Variants in ARFGEF1 observed in about 807,000 individuals in gnomAD.
ARFGEF1 encodes ARF guanine nucleotide exchange factor 1.
Under a neutral mutation model 231.0 loss-of-function variants are expected in ARFGEF1, and 42 were observed. The ratio of observed to expected loss-of-function variants is 0.18; its 90% CI spans 0.14 to 0.24. The LOEUF is 0.24. ARFGEF1 is among the 10% of genes least tolerant of loss of function. The pLI, the probability that ARFGEF1 is intolerant of heterozygous loss-of-function variation, is 1.00. For synonymous variants in ARFGEF1, 710 were observed against 732.3 expected (o/e 0.97, Z 0.49); for missense variants, 1,345 against 2,192.0 (o/e 0.61, Z 7.72).
intron 22 of ARFGEF1, among the ~76,000 whole-genome samples, chr8:67,233,590 A>G (rs1173160595): frequency 6.6e-6 from 1 of 151,824 alleles, no homozygotes; most frequent in Non-Finnish European, 1.5e-5. Context: ...GTTCATTTCC[A>G]TTCCTACCTA....
At chr8:67,193,572 A>T, downstream of ARFGEF1, 1 of 1,613,744 alleles carries the variant, frequency 6.2e-7, no homozygotes, top group Non-Finnish European at 8.5e-7. Flanking sequence ...GCGAAGACTG[A>T]ATGAATTTCA....
chr8:67,330,346 T>C (rs914631623), intron 1 of ARFGEF1, among the ~76,000 whole-genome samples: 3 of 152,122 alleles, frequency 2.0e-5, no homozygotes, highest in South Asian at 2.1e-4. Flanking sequence ...TGTGTACATA[T>C]TACAAACAAA....
intron 1 of ARFGEF1, among the ~76,000 whole-genome samples, chr8:67,331,787 T>C (rs1250470638): frequency 6.6e-6 from 1 of 151,998 alleles, no homozygotes; most frequent in Non-Finnish European, 1.5e-5. Flanking sequence ...TCAAAACCAA[T>C]AAATCTAAAG....
At chr8:67,196,588 G>A (rs1296848559), downstream of ARFGEF1, among the ~76,000 whole-genome samples, 1 of 152,098 alleles carries the variant, frequency 6.6e-6, no homozygotes, top group African/African-American at 2.4e-5. Flanking sequence ...AGACAAATTT[G>A]CCACAATTAA....
intron 14 of ARFGEF1, among the ~76,000 whole-genome samples, chr8:67,261,046 G>A (rs1373313944): frequency 6.6e-6 from 1 of 152,196 alleles, no homozygotes; most frequent in Non-Finnish European, 1.5e-5. Context: ...AGAAAATCTG[G>A]AAGCTAGCAG....
At chr8:67,231,075 G>A (rs529211012) in intron 23 of ARFGEF1, among the ~76,000 whole-genome samples, 3 of 152,018 alleles carry the variant, frequency 2.0e-5, no homozygotes, top group Admixed American at 2.0e-4. Flanking sequence ...GAAAATGACT[G>A]TCTGCTGGGT....
At chr8:67,215,914 T>C (rs975221238) in intron 33 of ARFGEF1, among the ~76,000 whole-genome samples, 2 of 152,340 alleles carry the variant, frequency 1.3e-5, no homozygotes, top group Middle Eastern at 3.4e-3. Flanking sequence ...TGAAATTATA[T>C]AAAAATAAAA....
intron 1 of ARFGEF1, among the ~76,000 whole-genome samples, chr8:67,307,529 G>A (rs188151924): frequency 1.3e-5 from 2 of 152,252 alleles, no homozygotes; most frequent in African/African-American, 2.4e-5. Context: ...GAAGAAAAGG[G>A]GTTTTGGCTT....
chr8:67,219,443 T>C lies in ARFGEF1; in HGVS notation c.4326A>G (p.Glu1442=). The C allele has an allele frequency of 1.2e-6, 2 of 1,610,790 alleles. No individual in the cohort carries two copies. Among genetic ancestry groups the C allele is most frequent in the East Asian group, 4.5e-5 (2 of 44,706 alleles). ...TGTATCCTCTTACCTCTGTCTGTTG[T>C]TCTGGCAATTTCATATTGTCAAAGA... is the stretch of plus-strand genomic sequence containing the variant. ...FRIFDNMKLP[E]QQTEKAEWMT... The change falls in exon 30 of 39, where the codon GAA becomes GAG. Residue 1442 remains glutamate (E), a synonymous_variant. Transcript: ENST00000262215.
intron 5 of ARFGEF1, among the ~76,000 whole-genome samples, chr8:67,296,197 A>G (rs1323292560): frequency 6.6e-6 from 1 of 152,250 alleles, no homozygotes; most frequent in African/African-American, 2.4e-5. Context: ...GGCAATCAGC[A>G]TATTTCACAT....
chr8:67,182,317 CT>C (rs112406408), intron 5 of ARFGEF1, among the ~76,000 whole-genome samples: 19,007 of 146,092 alleles, frequency 0.13, 2,494 homozygotes, highest in African/African-American at 0.34. Flanking sequence ...CAGATTTCCC[CT>C]TTTTTTTTTT....
chr8:67,232,859 C>G lies in ARFGEF1; in HGVS notation c.3376G>C (p.Asp1126His). The G allele has an allele frequency of 1.2e-6, 2 of 1,601,678 alleles. No individual in the cohort carries two copies. Among genetic ancestry groups the G allele is most frequent in the Non-Finnish European group, 1.7e-6 (2 of 1,171,028 alleles). Residue 1126 changes from aspartate to histidine, a missense_variant, in exon 23 of 39, where the codon GAT (aspartate) becomes CAT (histidine). Coordinates refer to ENST00000262215, the MANE Select transcript of ARFGEF1 (RefSeq NM_006421.5). ...GGAATAAAATGAATACCTTACCTAT[C>G]TACAGCAACAACAACACTCTGAGAA... ...TSSQSVVVAV[D>H]RIFTGSTRLD...
intron 7 of ARFGEF1, among the ~76,000 whole-genome samples, chr8:67,284,399 A>T (rs1257703397): frequency 6.6e-6 from 1 of 152,210 alleles, no homozygotes; most frequent in Non-Finnish European, 1.5e-5. Flanking sequence ...GAAGGAGCTG[A>T]TGGAGTTCTC....
At chr8:67,312,215 A>G (rs1175666957) in intron 1 of ARFGEF1, among the ~76,000 whole-genome samples, 1 of 151,420 alleles carries the variant, frequency 6.6e-6, no homozygotes, top group Non-Finnish European at 1.5e-5. Flanking sequence ...TCTGTGAGAA[A>G]CACCCAAGAA....
intron 22 of ARFGEF1, among the ~76,000 whole-genome samples, chr8:67,236,366 AT>A (rs1207494080): frequency 0.21 from 3,720 of 17,366 alleles, 587 homozygotes; most frequent in African/African-American, 0.29. Context: ...AAAAAAAAAA[AT>A]ATATATATAT....
At chr8:67,222,204 TACAC>T (rs1376525855) in intron 29 of ARFGEF1, among the ~76,000 whole-genome samples, 24 of 114,444 alleles carry the variant, frequency 2.1e-4, no homozygotes, top group African/African-American at 8.1e-4. Context: ...TATATATATA[TACAC>T]ACACATATAT....
chr8:67,231,249 TACA>T (rs1228103166), intron 23 of ARFGEF1, among the ~76,000 whole-genome samples: 1 of 152,084 alleles, frequency 6.6e-6, no homozygotes. Context: ...TTAAGAATAA[TACA>T]ACATTATAAG....
intron 1 of ARFGEF1, among the ~76,000 whole-genome samples, chr8:67,342,138 C>T (rs1430426089): frequency 6.6e-6 from 1 of 152,136 alleles, no homozygotes; most frequent in Non-Finnish European, 1.5e-5. Flanking sequence ...CCTTTTCTTG[C>T]CAATTTGACC....
intron 29 of ARFGEF1, among the ~76,000 whole-genome samples, chr8:67,222,202 TATACAC>T (rs1327999843): frequency 7.4e-6 from 1 of 134,326 alleles, no homozygotes; most frequent in South Asian, 2.3e-4. Flanking sequence ...TATATATATA[TATACAC>T]ACACATATAT....
Sources: allele counts gnomAD v4.1 joint callset (sites outside exome capture counted in the v4.1 genomes callset), GRCh38; gene constraint gnomAD v4.1.1; transcripts MANE v1.5; gene names NCBI Gene and HGNC (gene_info 2026-07-23, HGNC 2026-07-21).